CNTNAP5: variants seen among roughly 807,000 people sequenced by gnomAD.
The protein encoded by CNTNAP5 is contactin-associated protein-like 5.
In CNTNAP5, 72 loss-of-function variants were observed where a neutral mutation model predicts 150.2. The ratio of observed to expected loss-of-function variants is 0.48; its 90% CI spans 0.40 to 0.58. The LOEUF is 0.58. Ranked by LOEUF, CNTNAP5 falls within the 20% of genes least tolerant of loss-of-function variation. CNTNAP5 has a pLI of 0.00. For synonymous variants in CNTNAP5, 672 were observed against 619.8 expected, an observed-to-expected ratio of 1.08 and a Z score of -1.25; for missense variants, 1,636 against 1,626.2, an observed-to-expected ratio of 1.01 and a Z score of -0.10.
intron 13 of CNTNAP5, among the ~76,000 whole-genome samples, chr2:124,663,359 A>G (rs770984773): frequency 1.3e-5 from 2 of 152,244 alleles, no homozygotes; most frequent in African/African-American, 4.8e-5. Context: ...CTCAAAAGCT[A>G]TCTGAGTAAT....
intron 13 of CNTNAP5, among the ~76,000 whole-genome samples, chr2:124,685,761 T>TGTGTGTGC (rs138014725): frequency 2.2e-4 from 29 of 133,910 alleles, no homozygotes; most frequent in Non-Finnish European, 3.0e-4. Flanking sequence ...TGTGTGTGTG[T>TGTGTGTGC]GCGCGCGCGT....
intron 11 of CNTNAP5, among the ~76,000 whole-genome samples, chr2:124,597,054 C>T (rs1249989250): frequency 6.7e-6 from 1 of 148,546 alleles, no homozygotes; most frequent in Non-Finnish European, 1.5e-5. Flanking sequence ...AGATGGGTTT[C>T]CTGAATACAG....
intron 3 of CNTNAP5, among the ~76,000 whole-genome samples, chr2:124,344,418 A>G (rs557317673): frequency 2.0e-5 from 3 of 152,250 alleles, no homozygotes; most frequent in African/African-American, 7.2e-5. Flanking sequence ...TTTGGTAGAC[A>G]TCCTCCTTCC....
chr2:124,124,458 G>T (rs951613562), intron 1 of CNTNAP5, among the ~76,000 whole-genome samples: 7 of 152,152 alleles, frequency 4.6e-5, no homozygotes, highest in Non-Finnish European at 8.8e-5. Flanking sequence ...AAAAGAGACG[G>T]GGAGAATGGA....
At chr2:124,908,313 G>A (rs1239358014) in intron 22 of CNTNAP5, among the ~76,000 whole-genome samples, 1 of 152,074 alleles carries the variant, frequency 6.6e-6, no homozygotes, top group Non-Finnish European at 1.5e-5. Flanking sequence ...AGAGGTTGCA[G>A]TGAGCTGAGA....
intron 13 of CNTNAP5, among the ~76,000 whole-genome samples, chr2:124,649,347 T>C (rs140969757): frequency 7.9e-4 from 120 of 152,292 alleles, no homozygotes; most frequent in African/African-American, 2.7e-3. Flanking sequence ...TCTCTCTCCA[T>C]GTCTGTCAAG....
chr2:124,258,536 C>T (rs1404401268), intron 3 of CNTNAP5, among the ~76,000 whole-genome samples: 1 of 152,154 alleles, frequency 6.6e-6, no homozygotes, highest in African/African-American at 2.4e-5. Flanking sequence ...TCTCACCCTT[C>T]ATTATTTGAA....
At chr2:124,527,492 C>A (rs1310552052) in intron 10 of CNTNAP5, 36 bp downstream of exon 10, 4 of 1,528,318 alleles carry the variant, frequency 2.6e-6, no homozygotes, top group East Asian at 4.7e-5. Flanking sequence ...TCTGCCACCC[C>A]CTTCCCATTC....
At chr2:124,857,539 A>T (rs948472915) in intron 19 of CNTNAP5, among the ~76,000 whole-genome samples, 5 of 151,620 alleles carry the variant, frequency 3.3e-5, no homozygotes, top group Non-Finnish European at 7.4e-5. Context: ...TATACACCCA[A>T]CTCAGGCCAG....
At chr2:124,073,951 A>T (rs1424238023) in intron 1 of CNTNAP5, among the ~76,000 whole-genome samples, 1 of 152,188 alleles carries the variant, frequency 6.6e-6, no homozygotes, top group Non-Finnish European at 1.5e-5. Context: ...GTCTATCAAC[A>T]GATGAATAGA....
At chr2:124,793,198 T>TA (rs2104636253) in intron 18 of CNTNAP5, among the ~76,000 whole-genome samples, 1 of 152,318 alleles carries the variant, frequency 6.6e-6, no homozygotes, top group East Asian at 1.9e-4. Context: ...CAACACTTTT[T>TA]ATTGTCTGAT....
chr2:124,594,396 C>A (rs1696772580), intron 11 of CNTNAP5, among the ~76,000 whole-genome samples: 1 of 152,032 alleles, frequency 6.6e-6, no homozygotes, highest in Admixed American at 6.6e-5. Context: ...AATAGGGAAT[C>A]CTTTCCCCAT....
At chr2:124,689,905 T>C (rs985169009) in intron 13 of CNTNAP5, among the ~76,000 whole-genome samples, 1 of 152,102 alleles carries the variant, frequency 6.6e-6, no homozygotes, top group Non-Finnish European at 1.5e-5. Flanking sequence ...TTTATACTTT[T>C]GTAGAACAAA....
intron 8 of CNTNAP5, 149 bp from the exon 9 acceptor site, chr2:124,524,154 T>A: frequency 4.9e-6 from 3 of 617,542 alleles, no homozygotes; most frequent in South Asian, 2.8e-5. Context: ...ATGCTTTTTA[T>A]GAATCTTCCA....
At chr2:124,719,394 G>A (rs754197185) in intron 13 of CNTNAP5, among the ~76,000 whole-genome samples, 14 of 152,078 alleles carry the variant, frequency 9.2e-5, no homozygotes, top group South Asian at 4.1e-4. Flanking sequence ...CAAAGTTCCC[G>A]TCTCTGGCTG....
intron 1 of CNTNAP5, among the ~76,000 whole-genome samples, chr2:124,100,191 G>T (rs1229767728): frequency 6.6e-6 from 1 of 151,982 alleles, no homozygotes; most frequent in Non-Finnish European, 1.5e-5. Flanking sequence ...AGGGGCGGAG[G>T]GGCGACACAT....
At chr2:124,860,889 A>G in intron 19 of CNTNAP5, among the ~76,000 whole-genome samples, 1 of 152,106 alleles carries the variant, frequency 6.6e-6, no homozygotes, top group Non-Finnish European at 1.5e-5. Flanking sequence ...GGTGATCACC[A>G]TGGGCTGTTG....
chr2:124,448,272 T>TAAC (rs772074825), intron 6 of CNTNAP5, among the ~76,000 whole-genome samples: 490 of 148,216 alleles, frequency 3.3e-3, no homozygotes, highest in Non-Finnish European at 6.1e-3. Context: ...CGTCTTAAAA[T>TAAC]AATAATAATA....
intron 3 of CNTNAP5, among the ~76,000 whole-genome samples, chr2:124,364,743 A>T (rs1002360639): frequency 3.3e-5 from 5 of 152,244 alleles, no homozygotes; most frequent in African/African-American, 4.8e-5. Flanking sequence ...TTGGATTCAG[A>T]CATTAACTGC....
Sources: gnomAD v4.1 joint callset for allele counts (sites outside exome capture counted in the v4.1 genomes callset) on GRCh38, gnomAD v4.1.1 for gene constraint, MANE v1.5 for transcripts, NCBI Gene and HGNC (gene_info 2026-07-23, HGNC 2026-07-21) for gene names.